SH3D19: variants seen among roughly 807,000 people sequenced by gnomAD.
The protein encoded by SH3D19 is SH3 domain-containing protein 19.
A neutral mutation model predicts 112.1 loss-of-function variants in SH3D19; 58 were observed. The observed-to-expected ratio is 0.52, with a 90% CI of 0.42 to 0.64. The LOEUF (loss-of-function observed/expected upper bound fraction) is 0.64. SH3D19 is among the 30% of genes least tolerant of loss of function. The pLI is 0.00. For synonymous variants in SH3D19, 391 were observed against 448.5 expected (o/e 0.87, Z 1.62); for missense variants, 1,090 against 1,263.4 (o/e 0.86, Z 2.08).
chr4:151,294,013 G>C (rs17027527), intron 1 of SH3D19, among the ~76,000 whole-genome samples: 3,245 of 152,276 alleles, frequency 0.021, 125 homozygotes, highest in African/African-American at 0.074. Flanking sequence ...AACCAGGACA[G>C]GTCCTCCTAA....
At chr4:151,231,556 A>T (rs1769608525) in intron 1 of SH3D19, among the ~76,000 whole-genome samples, 1 of 152,170 alleles carries the variant, frequency 6.6e-6, no homozygotes, top group African/African-American at 2.4e-5. Context: ...CTTTTAAATG[A>T]TACCTTTTCA....
At position 151,159,234 on chromosome 4, in the gene SH3D19, A is replaced by G; in HGVS notation, c.1755+6T>C. ...CAATCTAGTACAATCTATAATGACCACTTACCAAGTTTCTAGTTCTCTCAA... is the reference window on the plus strand; with the variant it reads ...CAATCTAGTACAATCTATAATGACCGCTTACCAAGTTTCTAGTTCTCTCAA... On this transcript the variant is annotated splice_donor_region_variant and intron_variant, in intron 9 of 19. Coordinates refer to ENST00000604030, the MANE Select transcript of SH3D19 (RefSeq NM_001378122.1). 2 of 1,473,386 alleles carry G rather than the reference A, an allele frequency of 1.4e-6. No individual in the cohort carries two copies. The highest frequency in any genetic ancestry group is 9.1e-7 in the Non-Finnish European group (1 of 1,096,902). The allele number at this position is 1,473,386 out of a possible 1,614,324, so 91.3% of individuals were successfully genotyped here. A position where few individuals can be genotyped will look rare whatever the true frequency, so the allele number is the denominator to read the frequency against.
chr4:151,133,843 T>C (rs1751261439), intron 15 of SH3D19, among the ~76,000 whole-genome samples: 1 of 152,188 alleles, frequency 6.6e-6, no homozygotes, highest in Non-Finnish European at 1.5e-5. Context: ...GGGCTTCATT[T>C]CTGACATTTG....
intron 2 of SH3D19, among the ~76,000 whole-genome samples, chr4:151,191,952 T>TTTTTCC (rs1554049670): frequency 7.7e-6 from 1 of 129,750 alleles, no homozygotes; most frequent in South Asian, 2.5e-4. Flanking sequence ...GCCCTTTTTT[T>TTTTTCC]TTTTTTTTTT....
intron 1 of SH3D19, among the ~76,000 whole-genome samples, chr4:151,276,501 T>A (rs1335226478): frequency 6.6e-6 from 1 of 152,118 alleles, no homozygotes; most frequent in Admixed American, 6.5e-5. Context: ...TAAGAACGCA[T>A]CCTTCTTAGC....
intron 1 of SH3D19, among the ~76,000 whole-genome samples, chr4:151,276,113 G>C (rs1258736415): frequency 6.6e-6 from 1 of 152,164 alleles, no homozygotes; most frequent in Non-Finnish European, 1.5e-5. Flanking sequence ...AAAGTGCTGG[G>C]ATTACAGGCA....
chr4:151,248,517 T>C (rs996569227), intron 1 of SH3D19, among the ~76,000 whole-genome samples: 4 of 152,214 alleles, frequency 2.6e-5, no homozygotes, highest in Non-Finnish European at 5.9e-5. Flanking sequence ...ACTTTAAGTA[T>C]AAGATTAAAC....
At chr4:151,258,240 G>A (rs1471867495) in intron 1 of SH3D19, among the ~76,000 whole-genome samples, 1 of 152,174 alleles carries the variant, frequency 6.6e-6, no homozygotes, top group African/African-American at 2.4e-5. Flanking sequence ...AAGGCTAAGA[G>A]CAGGTAATGA....
intron 2 of SH3D19, among the ~76,000 whole-genome samples, chr4:151,189,091 A>C (rs1000731330): frequency 6.6e-6 from 1 of 152,030 alleles, no homozygotes; most frequent in East Asian, 1.9e-4. Flanking sequence ...GTGAGACAGT[A>C]AGTTTCTGTT....
intron 19 of SH3D19, among the ~76,000 whole-genome samples, chr4:151,125,297 C>T (rs1290776178): frequency 6.6e-6 from 1 of 151,844 alleles, no homozygotes. Flanking sequence ...CCAGTCTCTA[C>T]AAAGAATACC....
chr4:151,287,501 T>C (rs1244751616), intron 1 of SH3D19, among the ~76,000 whole-genome samples: 1 of 151,922 alleles, frequency 6.6e-6, no homozygotes, highest in African/African-American at 2.4e-5. Flanking sequence ...CAACAACATA[T>C]AAAAAGGACT....
chr4:151,169,230 A>G (rs1758625493), intron 7 of SH3D19, among the ~76,000 whole-genome samples: 2 of 152,146 alleles, frequency 1.3e-5, no homozygotes, highest in Admixed American at 1.3e-4. Flanking sequence ...TAATACCGTT[A>G]GCTGTTTTTT....
At chr4:151,153,435 G>A (rs1371710124) in intron 9 of SH3D19, among the ~76,000 whole-genome samples, 1 of 150,010 alleles carries the variant, frequency 6.7e-6, no homozygotes, top group African/African-American at 2.5e-5. Flanking sequence ...TAGTAGAGAT[G>A]GGGGTTTCAC....
At chr4:151,174,265 C>G (rs1759549595) in intron 7 of SH3D19, among the ~76,000 whole-genome samples, 1 of 152,182 alleles carries the variant, frequency 6.6e-6, no homozygotes, top group Non-Finnish European at 1.5e-5. Context: ...CTGCATCCTT[C>G]TACATGTTCC....
intron 8 of SH3D19, among the ~76,000 whole-genome samples, chr4:151,164,674 G>T (rs1225380257): frequency 6.6e-6 from 1 of 151,556 alleles, no homozygotes; most frequent in African/African-American, 2.4e-5. Flanking sequence ...CCGCCTCCCA[G>T]GTTCAAGTGA....
chr4:151,173,247 GT>G (rs1759378998), intron 7 of SH3D19, among the ~76,000 whole-genome samples: 1 of 152,134 alleles, frequency 6.6e-6, no homozygotes, highest in Non-Finnish European at 1.5e-5. Context: ...TCTGAATCTT[GT>G]TAATACCAAA....
chr4:151,313,074 C>T (rs949550494), intron 1 of SH3D19, among the ~76,000 whole-genome samples: 22 of 141,394 alleles, frequency 1.6e-4, no homozygotes, highest in African/African-American at 4.0e-4. Flanking sequence ...GGGCAATGAG[C>T]GAGACTCTGT....
chr4:151,176,116 C>A (rs1162188336), intron 6 of SH3D19, among the ~76,000 whole-genome samples: 1 of 152,170 alleles, frequency 6.6e-6, no homozygotes, highest in Non-Finnish European at 1.5e-5. Flanking sequence ...AAGCAATCCA[C>A]CCGCCTTAGT....
intron 1 of SH3D19, among the ~76,000 whole-genome samples, chr4:151,269,812 T>A (rs1773104124): frequency 6.6e-6 from 1 of 150,886 alleles, no homozygotes; most frequent in African/African-American, 2.4e-5. Flanking sequence ...AAAAATTTTT[T>A]ATTTTTACCT....
Sources: gnomAD v4.1 joint callset for allele counts (sites outside exome capture counted in the v4.1 genomes callset) on GRCh38, gnomAD v4.1.1 for gene constraint, MANE v1.5 for transcripts, NCBI Gene and HGNC (gene_info 2026-07-23, HGNC 2026-07-21) for gene names.